MYH9: variants seen among roughly 807,000 people sequenced by gnomAD.
MYH9 encodes the protein myosin heavy chain 9, also known as myosin-9.
In MYH9, 29 loss-of-function variants were observed where a neutral mutation model predicts 241.9. The ratio of observed to expected loss-of-function variants is 0.12; its 90% confidence interval spans 0.09 to 0.16. MYH9 has a LOEUF of 0.16. MYH9 is among the 10% of genes least tolerant of loss of function. The probability of loss-of-function intolerance (pLI) is 1.00; values close to 1 mark genes in which losing one functional copy is unlikely to be tolerated. For missense variants in MYH9, 1,803 were observed against 2,595.5 expected (o/e 0.69, Z 6.63); for synonymous variants, 1,047 against 1,062.6 (o/e 0.99, Z 0.29).
Position 36,291,964 on chromosome 22 carries a change from G to T in MYH9, c.4344+22C>A, listed in dbSNP as rs756605479. On this transcript the variant is annotated intron_variant, in intron 31 of 40. Transcript: ENST00000216181. Reference sequence around the variant, plus strand: ...TGCTTGAAGGAGAGGAAATGCAAAGGATGGGGCCAACGGCCACACACCTGG... The same window carrying T: ...TGCTTGAAGGAGAGGAAATGCAAAGTATGGGGCCAACGGCCACACACCTGG... The T allele has an allele frequency of 1.3e-5, 21 of 1,614,040 alleles. No individual in the cohort carries two copies. The Admixed American group carries it at 3.5e-4, about 27-fold the overall frequency.
At chr22:36,387,181 C>T (rs956707184) in intron 1 of MYH9, among the ~76,000 whole-genome samples, 6 of 152,236 alleles carry the variant, frequency 3.9e-5, no homozygotes, top group African/African-American at 1.4e-4. Flanking sequence ...GGGCCCTCCC[C>T]GACCAGTCCG....
intron 1 of MYH9, among the ~76,000 whole-genome samples, chr22:36,356,418 TAAA>T (rs2017856486): frequency 6.6e-6 from 1 of 151,446 alleles, no homozygotes; most frequent in African/African-American, 2.4e-5. Context: ...CTGTCTCTAC[TAAA>T]AATACAAAAC....
chr22:36,286,659 ACGC>A lies in MYH9; in HGVS notation c.5061+56_5061+58del, dbSNP rs2016586738. 39 of 1,604,282 alleles carry A rather than the reference ACGC, an allele frequency of 2.4e-5. No individual in the cohort carries two copies. In the South Asian group the frequency reaches 4.1e-4, roughly 17 times the overall value. Reference sequence around the variant, plus strand: ...AGCCCTGTCCTCAGCTGAAAGCCCCACGCTGCCACCTGCTGGCCGCAGGGCAGC... The same window carrying A: ...AGCCCTGTCCTCAGCTGAAAGCCCCATGCCACCTGCTGGCCGCAGGGCAGC... On this transcript the variant is annotated intron_variant, in intron 35 of 40. Transcript: ENST00000216181.
chr22:36,333,095 G>C lies in MYH9; in HGVS notation c.491-5607C>G, dbSNP rs140419002. ...AACAGGGAATAAGAGGGAAGGAGCT[G>C]GGACACACACAGGGAGCATGGCAGA... On this transcript the variant is annotated intron_variant, in intron 3 of 40. Transcript: ENST00000216181. Among the ~76,000 whole-genome samples, 56 of 152,330 alleles carry C rather than the reference G, an allele frequency of 3.7e-4. 1 individual carries two copies. The highest frequency in any genetic ancestry group is 6.8e-3 in the Middle Eastern group (2 of 294).
Position 36,298,914 on chromosome 22 carries a change from C to G in MYH9, c.3100+5G>C. 3.1e-6 allele frequency: 5 copies of G among 1,613,830 alleles called. No individual in the cohort carries two copies. Among genetic ancestry groups the G allele is most frequent in the Non-Finnish European group, 4.2e-6 (5 of 1,179,964 alleles). On this transcript the variant is annotated splice_donor_5th_base_variant and intron_variant, in intron 24 of 40. Coordinates refer to ENST00000216181, the MANE Select transcript of MYH9 (RefSeq NM_002473.6). The stretch of plus-strand genomic sequence containing the variant: ...CCCATCACCTCCTGCTCGTCACCCC[C>G]TCACCTTCCAAGTCAGTGATCATTG...
intron 15 of MYH9, 28 bp downstream of exon 15, chr22:36,309,254 G>A (rs1368783414): frequency 6.3e-7 from 1 of 1,584,220 alleles, no homozygotes; most frequent in African/African-American, 1.3e-5. Flanking sequence ...GCCAAGAGGA[G>A]GCAGGGGGCG....
chr22:36,302,418 T>C, intron 20 of MYH9, 150 bp downstream of exon 20: 1 of 660,812 alleles, frequency 1.5e-6, no homozygotes. Flanking sequence ...GAGGCTGAGG[T>C]AGGAGGATTG....
chr22:36,341,655 T>C (rs2017592721), intron 2 of MYH9, 129 bp from the exon 3 acceptor site: 2 of 1,050,658 alleles, frequency 1.9e-6, no homozygotes, highest in African/African-American at 3.2e-5. Context: ...CACTCCCTGA[T>C]GGCCCTTGCT....
In MYH9 at chr22:36,349,227, G is replaced by C; in HGVS notation, c.10C>G (p.Gln4Glu). The part of the protein sequence containing the change: MAQ[Q>E]AADKYLYVDK... The stretch of plus-strand genomic sequence containing the variant: ...ACATAGAGATACTTATCGGCAGCTT[G>C]CTGTGCCATGGTGACTTATAGCCAG... The change falls in exon 2 of 41, where the codon CAA becomes GAA. Residue 4 changes from glutamine (Q) to glutamate (E), a missense_variant. Coordinates refer to ENST00000216181, the MANE Select transcript of MYH9 (RefSeq NM_002473.6). 6.2e-7 allele frequency: 1 copy of C among 1,614,144 alleles called. No individual in the cohort carries two copies. Among genetic ancestry groups the C allele is most frequent in the Non-Finnish European group, 8.5e-7 (1 of 1,180,042 alleles).
intron 1 of MYH9, among the ~76,000 whole-genome samples, chr22:36,351,635 C>T (rs1465886035): frequency 6.6e-6 from 1 of 152,080 alleles, no homozygotes; most frequent in Non-Finnish European, 1.5e-5. Flanking sequence ...CCCTAGGGTC[C>T]CAGCACCCAG....
At chr22:36,340,882 A>G (rs2017576301) in intron 3 of MYH9, among the ~76,000 whole-genome samples, 1 of 152,076 alleles carries the variant, frequency 6.6e-6, no homozygotes, top group Non-Finnish European at 1.5e-5. Flanking sequence ...CTTCCTCCAC[A>G]AAGCTTCACT....
In MYH9 at chr22:36,293,852, G is replaced by T; in HGVS notation, c.3849C>A (p.Asp1283Glu). The T allele has an allele frequency of 6.2e-7, 1 of 1,613,372 alleles. No individual in the cohort carries two copies. The highest frequency in any genetic ancestry group is 8.5e-7 in the Non-Finnish European group (1 of 1,179,818). ...DKVTKLQVEL[D>E]NVTGLLSQSD... The stretch of plus-strand genomic sequence containing the variant: ...ACTGGCTGAGAAGCCCGGTCACGTT[G>T]TCCAGCTCCACCTGCACCGGGCGGG... The change falls in exon 29 of 41, where the codon GAC (aspartate) becomes GAA (glutamate). Residue 1283 changes from aspartate (D) to glutamate (E), a missense_variant. Transcript: ENST00000216181. The surrounding 1 kb of genome is among the most constrained non-coding windows in gnomAD (Gnocchi z 5.1).
At chr22:36,325,101 G>A (rs957820552) in intron 5 of MYH9, 11 of 774,090 alleles carry the variant, frequency 1.4e-5, no homozygotes, top group Admixed American at 3.4e-5. Flanking sequence ...TAACCTCACA[G>A]CTCTGTTTTT....
chr22:36,312,274 C>G (rs1384692755), intron 13 of MYH9, 52 bp from the exon 14 acceptor site: 4 of 1,599,002 alleles, frequency 2.5e-6, no homozygotes, highest in Non-Finnish European at 3.4e-6. Context: ...GAGGGGCACC[C>G]CACCCTTCAA....
At chr22:36,346,644 C>G (rs1163982092) in intron 2 of MYH9, among the ~76,000 whole-genome samples, 1 of 152,156 alleles carries the variant, frequency 6.6e-6, no homozygotes, top group Non-Finnish European at 1.5e-5. Context: ...ACTCTGTCGT[C>G]CAGGCTGGAG....
Position 36,319,984 on chromosome 22 carries a change from T to C in MYH9, c.1012+236A>G, listed in dbSNP as rs6000239. 377,395 of 627,824 alleles carry C rather than the reference T, an allele frequency of 0.6. 118,339 individuals are homozygous for C. The highest frequency in any genetic ancestry group is 0.65 in the Non-Finnish European group (233,315 of 360,106). 38.9% of individuals were successfully genotyped at this position (627,824 alleles called of 1,614,324 possible). A position where few individuals can be genotyped will look rare whatever the true frequency, so the allele number is the denominator to read the frequency against. ...GCAAGGGCTGTGCAGTGGACCCGAG[T>C]CCTGGGCAGTTAAGAACATGTCCTT... On this transcript the variant is annotated intron_variant, in intron 9 of 40. Coordinates refer to ENST00000216181, the MANE Select transcript of MYH9 (RefSeq NM_002473.6).
At chr22:36,381,591 C>T (rs979974494) in intron 1 of MYH9, among the ~76,000 whole-genome samples, 1 of 151,930 alleles carries the variant, frequency 6.6e-6, no homozygotes, top group African/African-American at 2.4e-5. Flanking sequence ...TAGGCAACCA[C>T]CATTACCAGG....
chr22:36,329,885 A>G lies in MYH9; in HGVS notation c.491-2397T>C, dbSNP rs1400619317. Reference sequence around the variant, plus strand: ...TACGTGTGCACAGAAATACATGCGCACACACGTGTGCAAAGCCATATACAT... The same window carrying G: ...TACGTGTGCACAGAAATACATGCGCGCACACGTGTGCAAAGCCATATACAT... On this transcript the variant is annotated intron_variant, in intron 3 of 40. Transcript: ENST00000216181. This position sits in a 1 kb window ranked among gnomAD's most constrained non-coding sequence, Gnocchi z 4.1. 6.6e-6 allele frequency among the ~76,000 whole-genome samples: 1 copy of G among 152,220 alleles called. No individual in the cohort carries two copies. The highest frequency in any genetic ancestry group is 6.5e-5 in the Admixed American group (1 of 15,280).
At position 36,293,626 on chromosome 22, in the gene MYH9, C is replaced by G. The variant is rs1469524646; in HGVS notation, c.3942+133G>C. 8 of 1,344,922 alleles carry G rather than the reference C, an allele frequency of 5.9e-6. No individual in the cohort carries two copies. The highest frequency in any genetic ancestry group is 4.3e-5 in the African/African-American group (3 of 69,790). The allele number at this position is 1,344,922 out of a possible 1,614,324, so 83.3% of individuals were successfully genotyped here. ...AGACCTGGAGGGAGCTGGGAGGACGCAGAGACCCACCCACAGGATGAAGCA... is the reference window on the plus strand; with the variant it reads ...AGACCTGGAGGGAGCTGGGAGGACGGAGAGACCCACCCACAGGATGAAGCA... On this transcript the variant is annotated intron_variant, in intron 29 of 40. Coordinates refer to ENST00000216181, the MANE Select transcript of MYH9 (RefSeq NM_002473.6). The surrounding 1 kb of genome is among the most constrained non-coding windows in gnomAD (Gnocchi z 5.1).
Sources: gnomAD v4.1 joint callset for allele counts (sites outside exome capture counted in the v4.1 genomes callset) on GRCh38, gnomAD v4.1.1 for gene constraint, Gnocchi (gnomAD v3.1) non-coding constraint, MANE v1.5 for transcripts, NCBI Gene and HGNC (gene_info 2026-07-23, HGNC 2026-07-21) for gene names.